The following NEDD4 variants were observed in gnomAD, a reference collection of about 807,000 sequenced individuals.
NEDD4 encodes the protein NEDD4 E3 ubiquitin protein ligase, also known as E3 ubiquitin-protein ligase NEDD4.
NEDD4 carries 99 observed loss-of-function variants against 144.9 expected under a neutral mutation model. The ratio of observed to expected loss-of-function variants is 0.68; its 90% confidence interval spans 0.58 to 0.81. The LOEUF (loss-of-function observed/expected upper bound fraction) is 0.81, where lower values mean the gene tolerates loss of function less well. Ranked by LOEUF, NEDD4 falls within the 30% of genes least tolerant of loss-of-function variation. The pLI, the probability that NEDD4 is intolerant of heterozygous loss-of-function variation, is 0.00. For synonymous variants in NEDD4, 318 were observed against 350.6 expected (o/e 0.91, Z 1.04); for missense variants, 985 against 1,065.9 (o/e 0.92, Z 1.06).
chr15:55,919,689 T>C (rs1180246542), intron 5 of NEDD4, among the ~76,000 whole-genome samples: 1 of 152,186 alleles, frequency 6.6e-6, no homozygotes, highest in African/African-American at 2.4e-5. Context: ...AAGTCCTACA[T>C]AGAATTTCAT....
chr15:55,918,649 T>G (rs1373468366), intron 5 of NEDD4, among the ~76,000 whole-genome samples: 1 of 152,116 alleles, frequency 6.6e-6, no homozygotes, highest in African/African-American at 2.4e-5. Context: ...AGATTTTTAA[T>G]CAATTAAGAC....
Position 55,972,439 on chromosome 15 carries a change from G to A in NEDD4, c.46-5893C>T, listed in dbSNP as rs192691496. Among the ~76,000 whole-genome samples, 13 of 152,256 alleles carry A rather than the reference G, an allele frequency of 8.5e-5. No individual in the cohort carries two copies. In the East Asian group the frequency reaches 2.5e-3, roughly 29 times the overall value. On this transcript the variant is annotated intron_variant, in intron 1 of 28. Coordinates refer to ENST00000435532, the MANE Select transcript of NEDD4 (RefSeq NM_006154.4). ...CTTTTCCTGTTTGTTTTTGCAATCA[G>A]AGTTAAACTGTTATCAGTTTAAAAT...
chr15:55,852,758 G>C (rs1177362114), intron 12 of NEDD4, among the ~76,000 whole-genome samples: 1 of 150,680 alleles, frequency 6.6e-6, no homozygotes, highest in East Asian at 1.9e-4. Context: ...GAGAGAGAGA[G>C]AGACAGAGAG....
chr15:55,988,705 A>G (rs2037939621), intron 1 of NEDD4, among the ~76,000 whole-genome samples: 1 of 152,090 alleles, frequency 6.6e-6, no homozygotes, highest in Non-Finnish European at 1.5e-5. Flanking sequence ...GGAAGGGGGT[A>G]TGGTTGTTAT....
chr15:55,938,408 T>C (rs2036933394), intron 4 of NEDD4, among the ~76,000 whole-genome samples: 1 of 151,760 alleles, frequency 6.6e-6, no homozygotes. Context: ...TGGATATCCA[T>C]ACGCAAAAGA....
chr15:55,919,751 T>C (rs1373941691), intron 5 of NEDD4, among the ~76,000 whole-genome samples: 3 of 152,166 alleles, frequency 2.0e-5, no homozygotes, highest in Admixed American at 2.0e-4. Flanking sequence ...GAACCTCACA[T>C]TCAGAGCTGT....
At chr15:55,975,866 T>C (rs955187387) in intron 1 of NEDD4, among the ~76,000 whole-genome samples, 1 of 152,178 alleles carries the variant, frequency 6.6e-6, no homozygotes, top group African/African-American at 2.4e-5. Flanking sequence ...AATTAATTAC[T>C]GGACTTCAAA....
At chr15:55,939,906 T>C (rs536413553) in intron 4 of NEDD4, among the ~76,000 whole-genome samples, 2 of 152,288 alleles carry the variant, frequency 1.3e-5, no homozygotes, top group South Asian at 4.1e-4. Context: ...ATTAAAGTTA[T>C]CTGCCCTCCC....
chr15:55,857,576 A>G (rs763850109), intron 11 of NEDD4, among the ~76,000 whole-genome samples: 1 of 151,922 alleles, frequency 6.6e-6, no homozygotes, highest in Non-Finnish European at 1.5e-5. Flanking sequence ...GCCTGCCTTG[A>G]CCTCTCAAAG....
At chr15:55,964,939 G>C (rs2037488077) in intron 2 of NEDD4, among the ~76,000 whole-genome samples, 1 of 151,618 alleles carries the variant, frequency 6.6e-6, no homozygotes, top group African/African-American at 2.4e-5. Flanking sequence ...AAAGAGGCTG[G>C]CACACCTCCC....
chr15:55,971,147 A>G (rs1431191592), intron 1 of NEDD4, among the ~76,000 whole-genome samples: 4 of 152,342 alleles, frequency 2.6e-5, no homozygotes, highest in African/African-American at 4.8e-5. Context: ...GAAAAAATTA[A>G]TTGGCAAATT....
At chr15:55,950,764 G>A (rs1398465336) in intron 4 of NEDD4, among the ~76,000 whole-genome samples, 1 of 152,136 alleles carries the variant, frequency 6.6e-6, no homozygotes, top group African/African-American at 2.4e-5. Flanking sequence ...ATGGGGTCAA[G>A]GAAGAACATT....
At chr15:55,925,115 T>G (rs10518831) in intron 4 of NEDD4, among the ~76,000 whole-genome samples, 21,025 of 152,200 alleles carry the variant, frequency 0.14, 1,579 homozygotes, top group East Asian at 0.32. Flanking sequence ...TGCCATTTTC[T>G]AATTCCGATT....
At chr15:55,851,798 A>G (rs1283180348) in intron 13 of NEDD4, among the ~76,000 whole-genome samples, 1 of 152,008 alleles carries the variant, frequency 6.6e-6, no homozygotes, top group African/African-American at 2.4e-5. Context: ...TCTTTAATAG[A>G]TCCCAATCGC....
At chr15:55,980,516 C>CAACA (rs1282684346) in intron 1 of NEDD4, among the ~76,000 whole-genome samples, 2 of 152,132 alleles carry the variant, frequency 1.3e-5, no homozygotes, top group Non-Finnish European at 2.9e-5. Context: ...AGGCTCCAGT[C>CAACA]AACAGTACCC....
intron 4 of NEDD4, among the ~76,000 whole-genome samples, chr15:55,943,580 G>A (rs1306341739): frequency 1.3e-5 from 2 of 152,222 alleles, no homozygotes; most frequent in Non-Finnish European, 2.9e-5. Flanking sequence ...TGGGCACAGG[G>A]CAAGAGCTGA....
At chr15:55,831,430 T>A (rs62046606) in intron 27 of NEDD4, among the ~76,000 whole-genome samples, 14,001 of 152,104 alleles carry the variant, frequency 0.092, 714 homozygotes, top group Middle Eastern at 0.15. Context: ...CTGGGTTACA[T>A]AGAAGAGAGA....
chr15:55,915,117 C>T (rs1338455836), intron 5 of NEDD4, among the ~76,000 whole-genome samples: 1 of 152,024 alleles, frequency 6.6e-6, no homozygotes, highest in African/African-American at 2.4e-5. Context: ...AAAAACTATA[C>T]ATAGAGTTCT....
intron 5 of NEDD4, among the ~76,000 whole-genome samples, chr15:55,922,285 G>T (rs1307673003): frequency 2.0e-5 from 3 of 151,950 alleles, no homozygotes; most frequent in Admixed American, 1.3e-4. Flanking sequence ...ATAATGTTAA[G>T]CAAAAAAGCA....
Sources: gnomAD v4.1 joint callset for allele counts (sites outside exome capture counted in the v4.1 genomes callset) on GRCh38, gnomAD v4.1.1 for gene constraint, MANE v1.5 for transcripts, NCBI Gene and HGNC (gene_info 2026-07-23, HGNC 2026-07-21) for gene names.